Variants in MAPKAP1 observed in about 807,000 individuals in gnomAD.
The protein encoded by MAPKAP1 is target of rapamycin complex 2 subunit MAPKAP1.
A neutral mutation model predicts 65.7 loss-of-function variants in MAPKAP1; 20 were observed. That is an observed-to-expected ratio of 0.30 (90% CI 0.21 to 0.44). The LOEUF (loss-of-function observed/expected upper bound fraction) is 0.44. Ranked by LOEUF, MAPKAP1 falls within the 20% of genes least tolerant of loss-of-function variation. MAPKAP1 has a pLI of 1.00. For missense variants in MAPKAP1, 423 were observed against 648.0 expected, an observed-to-expected ratio of 0.65 and a Z score of 3.77; for synonymous variants, 222 against 244.3, an observed-to-expected ratio of 0.91 and a Z score of 0.85.
chr9:125,562,191 T>C (rs1830912315), intron 5 of MAPKAP1, among the ~76,000 whole-genome samples: 1 of 152,248 alleles, frequency 6.6e-6, no homozygotes, highest in Non-Finnish European at 1.5e-5. Flanking sequence ...TCTGCTTTGA[T>C]TGTTAAGGGA....
At chr9:125,619,487 A>AAAC (rs1554831691) in intron 4 of MAPKAP1, among the ~76,000 whole-genome samples, 1 of 152,068 alleles carries the variant, frequency 6.6e-6, no homozygotes, top group Non-Finnish European at 1.5e-5. Flanking sequence ...AAAAAAAAAA[A>AAAC]AACTGCGTTT....
intron 7 of MAPKAP1, among the ~76,000 whole-genome samples, chr9:125,508,310 G>GT (rs367785059): frequency 7.9e-5 from 12 of 152,310 alleles, no homozygotes; most frequent in Admixed American, 2.0e-4. Context: ...ATGCTGGCAC[G>GT]TAATACTGGG....
chr9:125,625,247 TA>T (rs1564589514), intron 4 of MAPKAP1, among the ~76,000 whole-genome samples: 4 of 11,188 alleles, frequency 3.6e-4, no homozygotes, highest in African/African-American at 8.2e-4. Context: ...AAAAAAAAAA[TA>T]AATAAATAAA....
chr9:125,548,469 C>A (rs974573076), intron 6 of MAPKAP1, among the ~76,000 whole-genome samples: 1 of 152,188 alleles, frequency 6.6e-6, no homozygotes, highest in South Asian at 2.1e-4. Context: ...CAGAAGGCAG[C>A]AGAGCACAGT....
chr9:125,508,398 C>T (rs1175762673), intron 7 of MAPKAP1, among the ~76,000 whole-genome samples: 1 of 152,096 alleles, frequency 6.6e-6, no homozygotes, highest in Non-Finnish European at 1.5e-5. Flanking sequence ...AGGGAGTTAC[C>T]CCTGAACCTG....
chr9:125,691,193 A>G (rs1167022981), intron 1 of MAPKAP1, among the ~76,000 whole-genome samples: 3 of 152,128 alleles, frequency 2.0e-5, no homozygotes, highest in African/African-American at 7.2e-5. Context: ...CCTGGGAGGC[A>G]GAGCTTCCAG....
At chr9:125,458,607 T>C (rs1433884400) in intron 10 of MAPKAP1, among the ~76,000 whole-genome samples, 1 of 151,668 alleles carries the variant, frequency 6.6e-6, no homozygotes, top group Non-Finnish European at 1.5e-5. Flanking sequence ...AAGTCTCCCA[T>C]GTCTACTTCC....
intron 6 of MAPKAP1, among the ~76,000 whole-genome samples, chr9:125,554,817 A>G (rs866605039): frequency 2.1e-5 from 3 of 144,266 alleles, no homozygotes; most frequent in Non-Finnish European, 3.1e-5. Flanking sequence ...AAAAAAAAAA[A>G]GCATTTTCTA....
At chr9:125,640,304 C>T (rs977896674) in intron 4 of MAPKAP1, among the ~76,000 whole-genome samples, 2 of 152,010 alleles carry the variant, frequency 1.3e-5, no homozygotes, top group African/African-American at 4.8e-5. Flanking sequence ...AGGGTTTCAT[C>T]GTGTTAGCCA....
intron 4 of MAPKAP1, among the ~76,000 whole-genome samples, chr9:125,586,769 A>G (rs1233646833): frequency 6.6e-6 from 1 of 152,126 alleles, no homozygotes; most frequent in African/African-American, 2.4e-5. Flanking sequence ...TATGTTCACC[A>G]CACAGAGTAT....
chr9:125,545,102 A>G (rs1230658548), intron 6 of MAPKAP1, among the ~76,000 whole-genome samples: 1 of 152,226 alleles, frequency 6.6e-6, no homozygotes, highest in Non-Finnish European at 1.5e-5. Context: ...AGAACTGTCA[A>G]GCTAATTTTA....
chr9:125,664,757 G>A (rs1397346677), intron 3 of MAPKAP1, among the ~76,000 whole-genome samples: 3 of 129,070 alleles, frequency 2.3e-5, no homozygotes, highest in South Asian at 2.6e-4. Flanking sequence ...GAAAAAGAAC[G>A]GAACAAGAGA....
chr9:125,706,884 GA>G (rs1179217570), intron 1 of MAPKAP1, 86 bp downstream of exon 1: 1 of 378,850 alleles, frequency 2.6e-6, no homozygotes, highest in African/African-American at 2.1e-5. Context: ...GGGCAGCGCT[GA>G]AACTGGAGGG....
At chr9:125,484,725 C>A in intron 8 of MAPKAP1, 142 bp from the exon 9 acceptor site, 1 of 731,440 alleles carries the variant, frequency 1.4e-6, no homozygotes, top group South Asian at 2.5e-5. Flanking sequence ...CTTAATAATG[C>A]CATTCCAGTA....
In MAPKAP1 at chr9:125,697,580, T is replaced by C. The variant is rs1255350864; in HGVS notation, c.-70+9391A>G. 2.6e-5 allele frequency among the ~76,000 whole-genome samples: 4 copies of C among 152,234 alleles called. No homozygotes were observed. In the East Asian group the frequency reaches 7.7e-4, roughly 29 times the overall value. On this transcript the variant is annotated intron_variant, in intron 1 of 11. Coordinates refer to ENST00000265960, the MANE Select transcript of MAPKAP1 (RefSeq NM_001006617.3). The stretch of plus-strand genomic sequence containing the variant: ...TTATTTCCATTCTATGAATTTTCCA[T>C]GATTTCTCTAATTTTTATTGAACAT...
At chr9:125,668,508 T>C (rs1318063796) in intron 3 of MAPKAP1, among the ~76,000 whole-genome samples, 1 of 152,174 alleles carries the variant, frequency 6.6e-6, no homozygotes, top group Non-Finnish European at 1.5e-5. Context: ...CGATATGATA[T>C]TGGGAGGTGC....
At chr9:125,611,837 A>G (rs1045168453) in intron 4 of MAPKAP1, among the ~76,000 whole-genome samples, 79 of 152,356 alleles carry the variant, frequency 5.2e-4, no homozygotes, top group African/African-American at 1.9e-3. Flanking sequence ...TTAACAAGAA[A>G]AAATGGACAG....
Position 125,519,363 on chromosome 9 carries a change from C to A in MAPKAP1, c.959-12946G>T, listed in dbSNP as rs370921326. ...TACAAAGACTGTTTACAGCTGGGTG[C>A]GGTTGCTCGTGCCTGTAATCCCAGC... On this transcript the variant is annotated intron_variant, in intron 7 of 11. Coordinates refer to ENST00000265960, the MANE Select transcript of MAPKAP1 (RefSeq NM_001006617.3). Among the ~76,000 whole-genome samples the A allele has an allele frequency of 1.6e-4, 25 of 152,184 alleles. No individual in the cohort carries two copies. The East Asian group carries it at 1.7e-3, about 11-fold the overall frequency.
chr9:125,642,512 A>T (rs1203230152), intron 4 of MAPKAP1, among the ~76,000 whole-genome samples: 1 of 152,298 alleles, frequency 6.6e-6, no homozygotes, highest in East Asian at 1.9e-4. Context: ...ACCACATTAT[A>T]TGCTCATTAA....
Sources: gnomAD v4.1 joint callset for allele counts (sites outside exome capture counted in the v4.1 genomes callset) on GRCh38, gnomAD v4.1.1 for gene constraint, MANE v1.5 for transcripts, NCBI Gene and HGNC (gene_info 2026-07-23, HGNC 2026-07-21) for gene names.